Variants in ANGPTL1 observed in about 807,000 individuals in gnomAD.
The protein encoded by ANGPTL1 is angiopoietin like 1, also known as angiopoietin-related protein 1.
ANGPTL1 carries 36 observed loss-of-function variants against 46.7 expected under a neutral mutation model. The observed-to-expected ratio is 0.77, with a 90% CI of 0.59 to 1.02. The LOEUF (loss-of-function observed/expected upper bound fraction) is 1.02. Among genes scored for constraint, ANGPTL1 ranks in the 50% least tolerant of loss-of-function variants. ANGPTL1 has a pLI of 0.00. For synonymous variants in ANGPTL1, 221 were observed against 204.3 expected (o/e 1.08, Z -0.69); for missense variants, 571 against 594.7 (o/e 0.96, Z 0.41).
Position 178,851,378 on chromosome 1 carries a change from C to G in ANGPTL1, c.1289-62G>C, listed in dbSNP as rs553392414. On this transcript the variant is annotated intron_variant, in intron 5 of 5. Transcript: ENST00000234816. ...TCTTCTAGGTGTGGTACTCTGCAAT[C>G]ATAAAAAACTTATTCTACCTTTAAT... 2.0e-4 allele frequency: 285 copies of G among 1,408,546 alleles called. 1 individual carries two copies. The South Asian group carries it at 4.3e-3, about 21-fold the overall frequency. The allele number at this position is 1,408,546 out of a possible 1,614,324, so 87.3% of individuals were successfully genotyped here.
intron 3 of ANGPTL1, among the ~76,000 whole-genome samples, chr1:178,855,924 T>A (rs1016423894): frequency 6.7e-6 from 1 of 149,528 alleles, no homozygotes; most frequent in Non-Finnish European, 1.5e-5. Flanking sequence ...ATACACGAAT[T>A]ACATTGAATA....
chr1:178,851,423 C>T (rs1268958029), intron 5 of ANGPTL1, 107 bp from the exon 6 acceptor site: 3 of 981,608 alleles, frequency 3.1e-6, no homozygotes, highest in East Asian at 5.8e-5. Context: ...CCTTACTAAT[C>T]CCAGTTACCT....
At chr1:178,864,860 G>T in intron 3 of ANGPTL1, 94 bp downstream of exon 3, 1 of 857,986 alleles carries the variant, frequency 1.2e-6, no homozygotes, top group African/African-American at 1.7e-5. Flanking sequence ...ATATAACATC[G>T]CAAAATGAAT....
chr1:178,851,049 T>G lies in ANGPTL1; in HGVS notation c.*80A>C. ...CTGTGTAGAAATAAATTGTGCCAAG[T>G]AATATACATGTAACATTTACATTTT... On this transcript the variant is annotated 3_prime_UTR_variant, in exon 6 of 6. Transcript: ENST00000234816. 1 of 1,335,544 alleles carries G rather than the reference T, an allele frequency of 7.5e-7. No homozygotes were observed. Among genetic ancestry groups the G allele is most frequent in the Non-Finnish European group, 1.0e-6 (1 of 986,938 alleles). The allele number at this position is 1,335,544 out of a possible 1,614,324, so 82.7% of individuals were successfully genotyped here.
intron 3 of ANGPTL1, among the ~76,000 whole-genome samples, chr1:178,856,280 T>G (rs990621770): frequency 6.9e-6 from 1 of 144,378 alleles, no homozygotes; most frequent in Admixed American, 7.0e-5. Flanking sequence ...CAGGCTGGAG[T>G]GCAGTGGTGT....
intron 1 of ANGPTL1, 40 bp downstream of exon 1, chr1:178,870,701 G>A (rs913403503): frequency 2.6e-5 from 4 of 152,066 alleles, no homozygotes; most frequent in African/African-American, 9.7e-5. Context: ...TTATGCATTT[G>A]CTATACATAA....
At chr1:178,854,650 A>G (rs1657408795) in intron 3 of ANGPTL1, among the ~76,000 whole-genome samples, 1 of 152,156 alleles carries the variant, frequency 6.6e-6, no homozygotes, top group South Asian at 2.1e-4. Context: ...TGTTCTAGAG[A>G]TAGAACGATT....
intron 2 of ANGPTL1, among the ~76,000 whole-genome samples, chr1:178,866,420 TCTC>T (rs1432370676): frequency 6.6e-6 from 1 of 152,178 alleles, no homozygotes; most frequent in Non-Finnish European, 1.5e-5. Context: ...TTTTATAGCA[TCTC>T]CTTTTGGGAT....
intron 3 of ANGPTL1, among the ~76,000 whole-genome samples, chr1:178,862,374 G>T (rs1417800736): frequency 6.6e-6 from 1 of 152,030 alleles, no homozygotes; most frequent in African/African-American, 2.4e-5. Context: ...GCAACTGCAG[G>T]TAAGACACTG....
At position 178,865,307 on chromosome 1, in the gene ANGPTL1, T is replaced by C; in HGVS notation, c.470A>G (p.Lys157Arg). 6.2e-7 allele frequency: 1 copy of C among 1,614,098 alleles called. No homozygotes were observed. Reference protein sequence around the residue: ...NSLELSQLENKILNVTTEMLK... With the variant: ...NSLELSQLENRILNVTTEMLK... ...CATTTCTGTGGTGACATTGAGGATT[T>C]TGTTTTCCAGTTGGGAAAGTTCAAG... Residue 157 changes from lysine (K) to arginine (R), a missense_variant, in exon 3 of 6, where the codon AAA becomes AGA. Lys to Arg is a conservative substitution (Grantham distance 26, BLOSUM62 2). Coordinates refer to ENST00000234816, the MANE Select transcript of ANGPTL1 (RefSeq NM_004673.4).
chr1:178,856,563 T>C (rs1228129105), intron 3 of ANGPTL1, among the ~76,000 whole-genome samples: 2 of 151,254 alleles, frequency 1.3e-5, no homozygotes, highest in African/African-American at 2.4e-5. Flanking sequence ...AGCCTTTACA[T>C]TGATTGTATT....
chr1:178,870,977 G>T lies in ANGPTL1; in HGVS notation c.-373C>A, dbSNP rs1658721585. The stretch of plus-strand genomic sequence containing the variant: ...GTATAGTGGAAGTTCTGGTCTGTGG[G>T]CCGTCTTTAATCCAGCAGAGAAAGC... On this transcript the variant is annotated 5_prime_UTR_variant, in exon 1 of 6. Transcript: ENST00000234816. The T allele has an allele frequency of 6.6e-6, 1 of 152,156 alleles. No homozygotes were observed. Among genetic ancestry groups the T allele is most frequent in the African/African-American group, 2.4e-5 (1 of 41,422 alleles). The allele number at this position is 152,156 out of a possible 1,614,324, so 9.4% of individuals were successfully genotyped here.
chr1:178,864,158 A>G (rs1658221517), intron 3 of ANGPTL1, among the ~76,000 whole-genome samples: 1 of 152,196 alleles, frequency 6.6e-6, no homozygotes, highest in South Asian at 2.1e-4. Context: ...TGAAACAAAG[A>G]TGAATTATTC....
At chr1:178,863,194 A>C (rs899893535) in intron 3 of ANGPTL1, among the ~76,000 whole-genome samples, 5 of 152,160 alleles carry the variant, frequency 3.3e-5, no homozygotes, top group Non-Finnish European at 7.4e-5. Flanking sequence ...AGGGACATGC[A>C]CACAAGAGAC....
intron 2 of ANGPTL1, among the ~76,000 whole-genome samples, chr1:178,867,995 T>C (rs1303857242): frequency 6.6e-6 from 1 of 151,990 alleles, no homozygotes; most frequent in Non-Finnish European, 1.5e-5. Flanking sequence ...TGGAGAATTA[T>C]TATTATTTTA....
intron 4 of ANGPTL1, 51 bp from the exon 5 acceptor site, chr1:178,853,004 A>G: frequency 6.5e-7 from 1 of 1,546,204 alleles, no homozygotes. Flanking sequence ...AGAGATAGTA[A>G]ACATTTTTAC....
At chr1:178,856,194 G>GATATAT (rs776840814) in intron 3 of ANGPTL1, among the ~76,000 whole-genome samples, 28 of 99,172 alleles carry the variant, frequency 2.8e-4, no homozygotes, top group African/African-American at 8.7e-4. Flanking sequence ...CTTTTCCAGA[G>GATATAT]AGAGAGAGAT....
Position 178,852,937 on chromosome 1 carries a change from A to G in ANGPTL1, c.1034T>C (p.Ile345Thr), listed in dbSNP as rs1558150309. ...CAGTCCAAGCCAGTATTCTCCGTCA[A>G]TGTTTCCAAACCCTTTCTGTTAATA... ...WENYKKGFGN[I>T]DGEYWLGLEN... The change falls in exon 5 of 6, where the codon ATT becomes ACT. Residue 345 changes from isoleucine (I) to threonine (T), a missense_variant. Coordinates refer to ENST00000234816, the MANE Select transcript of ANGPTL1 (RefSeq NM_004673.4). 3.1e-6 allele frequency: 5 copies of G among 1,611,532 alleles called. No individual in the cohort carries two copies. Among genetic ancestry groups the G allele is most frequent in the East Asian group, 2.2e-5 (1 of 44,856 alleles).
At chr1:178,854,731 C>T (rs989222026) in intron 3 of ANGPTL1, among the ~76,000 whole-genome samples, 41 of 152,194 alleles carry the variant, frequency 2.7e-4, no homozygotes, top group African/African-American at 9.4e-4. Flanking sequence ...TCCCAGAGTC[C>T]CTGCTCTGAA....
Sources: gnomAD v4.1 joint callset for allele counts (sites outside exome capture counted in the v4.1 genomes callset) on GRCh38, gnomAD v4.1.1 for gene constraint, MANE v1.5 for transcripts, NCBI Gene and HGNC (gene_info 2026-07-23, HGNC 2026-07-21) for gene names.